Variants in PRPF18 observed in about 807,000 individuals in gnomAD.
PRPF18 encodes pre-mRNA-splicing factor 18.
PRPF18 carries 38 observed loss-of-function variants against 46.5 expected under a neutral mutation model. The observed-to-expected ratio is 0.82, with a 90% CI of 0.63 to 1.07. PRPF18 has a LOEUF of 1.07. Among genes scored for constraint, PRPF18 ranks in the 50% least tolerant of loss-of-function variants. The pLI, the probability that PRPF18 is intolerant of heterozygous loss-of-function variation, is 0.00. For missense variants in PRPF18, 263 were observed against 410.0 expected, an observed-to-expected ratio of 0.64 and a Z score of 3.10; for synonymous variants, 152 against 146.7, an observed-to-expected ratio of 1.04 and a Z score of -0.26.
chr10:13,624,160 G>A (rs558349364), intron 9 of PRPF18, among the ~76,000 whole-genome samples: 3 of 152,114 alleles, frequency 2.0e-5, no homozygotes, highest in African/African-American at 4.8e-5. Context: ...TTGTATTTTC[G>A]TAGTGACATG....
At chr10:13,588,817 G>A (rs191019536) in intron 1 of PRPF18, among the ~76,000 whole-genome samples, 207 of 152,198 alleles carry the variant, frequency 1.4e-3, no homozygotes, top group African/African-American at 2.5e-3. Flanking sequence ...AACTTAGACC[G>A]CTGGTTCTCA....
intron 1 of PRPF18, among the ~76,000 whole-genome samples, chr10:13,596,454 T>C (rs1554807348): frequency 6.6e-6 from 1 of 152,186 alleles, no homozygotes; most frequent in Non-Finnish European, 1.5e-5. Flanking sequence ...TTGATGATCA[T>C]TGTCTGAGTG....
chr10:13,607,538 A>C (rs2080207690), intron 4 of PRPF18, among the ~76,000 whole-genome samples: 1 of 152,110 alleles, frequency 6.6e-6, no homozygotes, highest in Non-Finnish European at 1.5e-5. Context: ...CAGCCTTCCA[A>C]GTAGCTGAGA....
At chr10:13,624,995 C>G (rs2080479145) in intron 9 of PRPF18, among the ~76,000 whole-genome samples, 1 of 152,058 alleles carries the variant, frequency 6.6e-6, no homozygotes, top group Non-Finnish European at 1.5e-5. Flanking sequence ...TTCATAGAAA[C>G]AGAATTATAG....
At chr10:13,589,441 CTT>C (rs2079926082) in intron 1 of PRPF18, among the ~76,000 whole-genome samples, 1 of 152,152 alleles carries the variant, frequency 6.6e-6, no homozygotes, top group Admixed American at 6.5e-5. Context: ...AAGATCAAGA[CTT>C]AATAAAAATA....
chr10:13,649,035 G>T, the PRPF18 span, among the ~76,000 whole-genome samples: 1 of 152,186 alleles, frequency 6.6e-6, no homozygotes, highest in African/African-American at 2.4e-5. Context: ...GGATTAGTTT[G>T]CCACAGAACT....
chr10:13,590,335 G>A (rs914259586), intron 1 of PRPF18, among the ~76,000 whole-genome samples: 3 of 151,428 alleles, frequency 2.0e-5, no homozygotes, highest in Non-Finnish European at 4.4e-5. Flanking sequence ...GCCGGGCGCG[G>A]TGGCTCACGC....
chr10:13,591,315 A>G (rs1295786128), intron 1 of PRPF18: 15 of 301,878 alleles, frequency 5.0e-5, no homozygotes, highest in Non-Finnish European at 6.7e-5. Flanking sequence ...CGTTCATAGC[A>G]ATACATTTTT....
At chr10:13,628,977 T>C (rs1419862629) in intron 9 of PRPF18, among the ~76,000 whole-genome samples, 2 of 151,988 alleles carry the variant, frequency 1.3e-5, no homozygotes, top group Admixed American at 6.6e-5. Flanking sequence ...GTTTACCGAG[T>C]GGTGGATGAG....
chr10:13,626,731 G>T (rs72767553), intron 9 of PRPF18, among the ~76,000 whole-genome samples: 1 of 152,162 alleles, frequency 6.6e-6, no homozygotes, highest in South Asian at 2.1e-4. Flanking sequence ...AGGGTTGCCT[G>T]TGGAGAGCTG....
At chr10:13,628,327 A>C (rs1258836927) in intron 9 of PRPF18, among the ~76,000 whole-genome samples, 1 of 152,210 alleles carries the variant, frequency 6.6e-6, no homozygotes, top group Non-Finnish European at 1.5e-5. Flanking sequence ...CATTCATAGA[A>C]GTATGTCATT....
intron 1 of PRPF18, chr10:13,591,667 C>A (rs563341759): frequency 1.3e-4 from 81 of 628,078 alleles, no homozygotes; most frequent in Admixed American, 3.2e-4. Context: ...GCAGCTGCTG[C>A]TGCTTGAATA....
At chr10:13,595,402 C>G (rs1340213007) in intron 1 of PRPF18, among the ~76,000 whole-genome samples, 1 of 51,054 alleles carries the variant, frequency 2.0e-5, no homozygotes, top group Non-Finnish European at 4.7e-5. Flanking sequence ...TCCTTTCTTT[C>G]TACACAGCCC....
the PRPF18 span, chr10:13,641,720 A>ACAC: frequency 6.6e-6 from 1 of 152,242 alleles, no homozygotes; most frequent in East Asian, 1.9e-4. Context: ...CCACTTCTTC[A>ACAC]CACTCCAAAG....
intron 1 of PRPF18, among the ~76,000 whole-genome samples, chr10:13,589,751 T>A (rs2133058955): frequency 6.6e-6 from 1 of 152,334 alleles, no homozygotes; most frequent in South Asian, 2.1e-4. Context: ...ATGTATGTGA[T>A]GTAGTGTAAG....
At chr10:13,607,525 C>T (rs2080207590) in intron 4 of PRPF18, among the ~76,000 whole-genome samples, 1 of 152,138 alleles carries the variant, frequency 6.6e-6, no homozygotes, top group South Asian at 2.1e-4. Context: ...CGATCTCCCA[C>T]CTCAGCCTTC....
In PRPF18 at chr10:13,599,064, T is replaced by C. The variant is rs542125241; in HGVS notation, c.145-1180T>C. On this transcript the variant is annotated intron_variant, in intron 2 of 9. Coordinates refer to ENST00000378572, the MANE Select transcript of PRPF18 (RefSeq NM_003675.4). ...TGCCATTATATAATTAAATGTGTTT[T>C]TAATCCTGAGATTTTTGGAGAAATA... Among the ~76,000 whole-genome samples, 7 of 152,356 alleles carry C rather than the reference T, an allele frequency of 4.6e-5. No homozygotes were observed. In the East Asian group the frequency reaches 1.3e-3, roughly 29 times the overall value.
rs1470462120 is a variant in PRPF18, at chr10:13,605,732, A to C, written c.351A>C (p.Pro117=). ...TAAGGAAAATAGAGATCCTCACACC[A>C]GAAGTTAACAAGGTAAGAGGACAGA... The part of the protein sequence containing the change: ...QRLRKIEILT[P]EVNKGLRNDL... The change falls in exon 4 of 10, where the codon CCA becomes CCC. Residue 117 remains proline, a synonymous_variant. Coordinates refer to ENST00000378572, the MANE Select transcript of PRPF18 (RefSeq NM_003675.4). 6 of 1,612,878 alleles carry C rather than the reference A, an allele frequency of 3.7e-6. No individual in the cohort carries two copies. The highest frequency in any genetic ancestry group is 5.1e-6 in the Non-Finnish European group (6 of 1,179,560).
At chr10:13,633,982 A>G (rs1042590265), downstream of PRPF18, among the ~76,000 whole-genome samples, 11 of 152,206 alleles carry the variant, frequency 7.2e-5, no homozygotes, top group African/African-American at 1.9e-4. Flanking sequence ...ACCACACGCT[A>G]GTCCTTTAAT....
Sources: allele counts gnomAD v4.1 joint callset (sites outside exome capture counted in the v4.1 genomes callset), GRCh38; gene constraint gnomAD v4.1.1; transcripts MANE v1.5; gene names NCBI Gene and HGNC (gene_info 2026-07-23, HGNC 2026-07-21).